The following SLC12A6 variants were observed in gnomAD, a reference collection of about 807,000 sequenced individuals.
SLC12A6 encodes the protein solute carrier family 12 member 6.
SLC12A6 carries 66 observed loss-of-function variants against 135.3 expected under a neutral mutation model. The observed-to-expected ratio is 0.49, with a 90% CI of 0.40 to 0.60. The LOEUF is 0.60. SLC12A6 is among the 20% of genes least tolerant of loss of function. SLC12A6 has a pLI of 0.00. For missense variants in SLC12A6, 1,058 were observed against 1,452.3 expected, an observed-to-expected ratio of 0.73 and a Z score of 4.41; for synonymous variants, 513 against 508.8, an observed-to-expected ratio of 1.01 and a Z score of -0.11.
In SLC12A6 at chr15:34,337,319, A is replaced by G; in HGVS notation, c.-73+13T>C. 6.3e-6 allele frequency: 1 copy of G among 158,804 alleles called. No homozygotes were observed. Among genetic ancestry groups the G allele is most frequent in the Non-Finnish European group, 1.4e-5 (1 of 71,554 alleles). 9.8% of individuals were successfully genotyped at this position (158,804 alleles called of 1,614,324 possible). ...GGGAAAGGTGCACATGCATAACGGGAAAAATAACCCACACTACTGAGAGAA... is the reference window on the plus strand; with the variant it reads ...GGGAAAGGTGCACATGCATAACGGGGAAAATAACCCACACTACTGAGAGAA... On this transcript the variant is annotated intron_variant, in intron 1 of 25. Coordinates refer to ENST00000354181, the MANE Select transcript of SLC12A6 (RefSeq NM_001365088.1).
intron 10 of SLC12A6, 40 bp from the exon 11 acceptor site, chr15:34,251,097 GAA>G (rs11382535): frequency 4.2e-6 from 4 of 956,520 alleles, no homozygotes; most frequent in Non-Finnish European, 3.2e-6. Context: ...GCAGCAGTAT[GAA>G]AAAAAAAAGA....
intron 2 of SLC12A6, among the ~76,000 whole-genome samples, chr15:34,294,927 C>CA (rs1341193389): frequency 6.6e-6 from 1 of 152,162 alleles, no homozygotes; most frequent in Non-Finnish European, 1.5e-5. Flanking sequence ...TTTCCCTATT[C>CA]ATATTACATC....
At chr15:34,302,189 C>A (rs1369279679) in intron 2 of SLC12A6, among the ~76,000 whole-genome samples, 3 of 151,986 alleles carry the variant, frequency 2.0e-5, no homozygotes, top group Non-Finnish European at 4.4e-5. Context: ...GAGAGTAATA[C>A]CAGACAGTAG....
intron 2 of SLC12A6, among the ~76,000 whole-genome samples, chr15:34,315,178 G>T (rs1888549820): frequency 6.6e-6 from 1 of 152,188 alleles, no homozygotes; most frequent in African/African-American, 2.4e-5. Flanking sequence ...CTCCAATTTT[G>T]AAAGAAGTTC....
intron 2 of SLC12A6, among the ~76,000 whole-genome samples, chr15:34,285,555 G>GA (rs1252948920): frequency 1.3e-4 from 19 of 151,736 alleles, no homozygotes; most frequent in African/African-American, 4.1e-4. Context: ...CTGTGTAGTG[G>GA]AAAACCAGTG....
chr15:34,251,147 C>T (rs778046628), intron 10 of SLC12A6, 90 bp from the exon 11 acceptor site: 9 of 950,040 alleles, frequency 9.5e-6, no homozygotes, highest in Admixed American at 1.8e-5. Flanking sequence ...AATCAGGCTC[C>T]TCATTTATAC....
chr15:34,305,834 T>C (rs535077852), intron 2 of SLC12A6, among the ~76,000 whole-genome samples: 7 of 151,472 alleles, frequency 4.6e-5, no homozygotes, highest in South Asian at 2.1e-4. Context: ...CTCGGCTCAC[T>C]GCAACCTCTG....
intron 2 of SLC12A6, among the ~76,000 whole-genome samples, chr15:34,278,758 T>C (rs924070455): frequency 1.3e-5 from 2 of 151,622 alleles, no homozygotes; most frequent in African/African-American, 2.4e-5. Context: ...TTTAGTACAG[T>C]TGGGGTTTCA....
chr15:34,287,986 G>A (rs972759613), intron 2 of SLC12A6, among the ~76,000 whole-genome samples: 3 of 152,136 alleles, frequency 2.0e-5, no homozygotes, highest in Admixed American at 2.0e-4. Context: ...AGTTTAATTA[G>A]ATCCCATTTG....
At chr15:34,309,437 G>T (rs1887991727) in intron 2 of SLC12A6, among the ~76,000 whole-genome samples, 1 of 152,042 alleles carries the variant, frequency 6.6e-6, no homozygotes, top group African/African-American at 2.4e-5. Context: ...AATTAAATCA[G>T]TTGAAATCTG....
chr15:34,284,051 A>G (rs554672100), intron 2 of SLC12A6, among the ~76,000 whole-genome samples: 103 of 151,646 alleles, frequency 6.8e-4, no homozygotes, highest in Non-Finnish European at 9.0e-4. Flanking sequence ...CTTGGCCAGC[A>G]TAATTTTTTA....
Position 34,235,983 on chromosome 15 carries a change from T to C in SLC12A6, c.3227+32A>G, listed in dbSNP as rs766658558. ...ACATTTGTGCCACTGATTAGGTAAT[T>C]TTATGATAAACTTGGGAGTGGGAAA... On this transcript the variant is annotated intron_variant, in intron 24 of 25. Coordinates refer to ENST00000354181, the MANE Select transcript of SLC12A6 (RefSeq NM_001365088.1). The C allele has an allele frequency of 1.7e-5, 26 of 1,567,362 alleles. No individual in the cohort carries two copies. In the African/African-American group the frequency reaches 2.8e-4, roughly 17 times the overall value.
chr15:34,271,721 C>T (rs1000915199), intron 3 of SLC12A6, among the ~76,000 whole-genome samples: 5 of 152,018 alleles, frequency 3.3e-5, no homozygotes, highest in African/African-American at 1.2e-4. Flanking sequence ...CTGAGTTTTG[C>T]AAGAGACCCG....
At chr15:34,236,506 G>A (rs536028830) in intron 23 of SLC12A6, among the ~76,000 whole-genome samples, 20 of 151,972 alleles carry the variant, frequency 1.3e-4, no homozygotes, top group East Asian at 7.7e-4. Context: ...CACCATGCCC[G>A]GCTAATTTTC....
intron 2 of SLC12A6, among the ~76,000 whole-genome samples, chr15:34,293,047 T>C (rs1022290172): frequency 6.6e-6 from 1 of 152,156 alleles, no homozygotes; most frequent in African/African-American, 2.4e-5. Flanking sequence ...CCCAATGAGA[T>C]GAACCAGGTA....
Position 34,232,381 on chromosome 15 carries a change from C to T in SLC12A6, c.*1500G>A, listed in dbSNP as rs187033741. 2 of 152,312 alleles carry T rather than the reference C, an allele frequency of 1.3e-5. No individual in the cohort carries two copies. The highest frequency in any genetic ancestry group is 3.9e-4 in the East Asian group (2 of 5,168). The allele number at this position is 152,312 out of a possible 1,614,324, so 9.4% of individuals were successfully genotyped here. A position where few individuals can be genotyped will look rare whatever the true frequency, so the allele number is the denominator to read the frequency against. ...TTGCTGGGATCACAGGCATGCACCA[C>T]CATGCCCAGCTAATTTTTGTATTTT... is the stretch of plus-strand genomic sequence containing the variant. On this transcript the variant is annotated 3_prime_UTR_variant, in exon 26 of 26. Coordinates refer to ENST00000354181, the MANE Select transcript of SLC12A6 (RefSeq NM_001365088.1).
At chr15:34,242,952 C>T (rs1001346029) in intron 16 of SLC12A6, among the ~76,000 whole-genome samples, 4 of 152,086 alleles carry the variant, frequency 2.6e-5, no homozygotes, top group African/African-American at 9.7e-5. Context: ...ATGGTGTGAA[C>T]CTGGGATCTC....
chr15:34,336,913 A>G (rs71464858), intron 1 of SLC12A6, 161 bp from the exon 2 acceptor site: 2 of 575,234 alleles, frequency 3.5e-6, no homozygotes, highest in Non-Finnish European at 6.2e-6. Flanking sequence ...AGAGAAAAAA[A>G]CAAAAAACAA....
rs144100640 is a variant in SLC12A6 at position 34,283,053 on chromosome 15, A to C, written c.272-7664T>G. On this transcript the variant is annotated intron_variant, in intron 2 of 25. Transcript: ENST00000354181. ...ATATGGGAACATCAATAAGAAAAGAAAATTAATAGCCGGGCACTGTGGCTC... is the reference window on the plus strand; with the variant it reads ...ATATGGGAACATCAATAAGAAAAGACAATTAATAGCCGGGCACTGTGGCTC... Among the ~76,000 whole-genome samples the C allele has an allele frequency of 5.6e-3, 855 of 152,296 alleles. 10 individuals carry two copies. Among genetic ancestry groups the C allele is most frequent in the African/African-American group, 0.02 (833 of 41,564 alleles).
Sources: allele counts gnomAD v4.1 joint callset (sites outside exome capture counted in the v4.1 genomes callset), GRCh38; gene constraint gnomAD v4.1.1; transcripts MANE v1.5; gene names NCBI Gene and HGNC (gene_info 2026-07-23, HGNC 2026-07-21).